Variants in AZU1 observed in about 807,000 individuals in gnomAD.
AZU1 encodes the protein azurocidin.
A neutral mutation model predicts 17.8 loss-of-function variants in AZU1; 21 were observed. The observed-to-expected ratio is 1.18, with a 90% confidence interval of 0.84 to 1.70. AZU1 has a LOEUF of 1.70. AZU1 is among the 40% of genes most tolerant of loss of function. AZU1 has a pLI of 0.00. For missense variants in AZU1, 379 were observed against 362.9 expected (o/e 1.04, Z -0.36); for synonymous variants, 178 against 155.2 (o/e 1.15, Z -1.09).
At position 827,897 on chromosome 19, in the gene AZU1, G is replaced by C. The variant is rs146182220; in HGVS notation, c.51G>C (p.Ser17=). 1.3e-6 allele frequency: 2 copies of C among 1,537,108 alleles called. No individual in the cohort carries two copies. Among genetic ancestry groups the C allele is most frequent in the Non-Finnish European group, 1.7e-6 (2 of 1,147,274 alleles). ...TGCTGGCTGGTCTGCTGGCGTCCTC[G>C]AGGGCCGGTGAGTGCCTCTCTGTGC... is the stretch of plus-strand genomic sequence containing the variant. ...LALLAGLLAS[S]RAGSSPLLDI... Residue 17 remains serine, a synonymous_variant, in exon 1 of 5, where the codon TCG becomes TCC. Transcript: ENST00000233997.
rs766210018 is a variant in AZU1 at position 829,720 on chromosome 19, G to A, written c.360+14G>A. The A allele has an allele frequency of 1.2e-6, 2 of 1,611,300 alleles. No individual in the cohort carries two copies. Among genetic ancestry groups the A allele is most frequent in the Non-Finnish European group, 1.7e-6 (2 of 1,178,504 alleles). On this transcript the variant is annotated intron_variant, in intron 3 of 4. Coordinates refer to ENST00000233997, the MANE Select transcript of AZU1 (RefSeq NM_001700.5). ...ATGCTGCTTCAGGTGAGAGGATGGT[G>A]CCACCTGTGATCCCAGCACCTCGGG...
Position 831,949 on chromosome 19 carries a change from G to A in AZU1, c.*72G>A, listed in dbSNP as rs1260899549. 7.3e-6 allele frequency: 11 copies of A among 1,510,868 alleles called. No individual in the cohort carries two copies. The Middle Eastern group carries it at 6.0e-4, about 82-fold the overall frequency. 93.6% of individuals were successfully genotyped at this position (1,510,868 alleles called of 1,614,324 possible). A position where few individuals can be genotyped will look rare whatever the true frequency, so the allele number is the denominator to read the frequency against. On this transcript the variant is annotated 3_prime_UTR_variant, in exon 5 of 5. Transcript: ENST00000233997. Reference sequence around the variant, plus strand: ...CCGGCGCTCCGCACCCACCTCCCACGGCCCCGCCCCTGCCCCCGCTCCGGC... The same window carrying A: ...CCGGCGCTCCGCACCCACCTCCCACAGCCCCGCCCCTGCCCCCGCTCCGGC...
intron 2 of AZU1, among the ~76,000 whole-genome samples, chr19:828,798 C>G (rs147009736): frequency 4.6e-4 from 32 of 69,246 alleles, no homozygotes; most frequent in African/African-American, 4.5e-4. Context: ...TGGGGGAGGC[C>G]CAGAGAAGGG....
chr19:829,153 G>A (rs111211823), intron 2 of AZU1, among the ~76,000 whole-genome samples: 5 of 31,500 alleles, frequency 1.6e-4, no homozygotes, highest in African/African-American at 1.0e-3. Context: ...GGGTCAGATG[G>A]GGGAGGCCCA....
At chr19:827,973 C>A (rs1294652676) in intron 1 of AZU1, 69 bp downstream of exon 1, 2 of 1,525,884 alleles carry the variant, frequency 1.3e-6, no homozygotes, top group East Asian at 2.5e-5. Context: ...AGAACTCAGA[C>A]TTAAAGCACA....
intron 1 of AZU1, among the ~76,000 whole-genome samples, 162 bp downstream of exon 1, chr19:828,066 C>T (rs1372630224): frequency 1.3e-5 from 2 of 152,242 alleles, no homozygotes; most frequent in Non-Finnish European, 1.5e-5. Context: ...GGACGGTGTG[C>T]GGGACTCAGG....
chr19:831,461 A>G (rs2035286762), intron 4 of AZU1: 8 of 499,686 alleles, frequency 1.6e-5, no homozygotes, highest in Non-Finnish European at 1.4e-5. Flanking sequence ...AGAGCCGGTC[A>G]CTGAGGGACT....
intron 4 of AZU1, 49 bp from the exon 5 acceptor site, chr19:831,667 C>A: frequency 1.3e-6 from 2 of 1,520,676 alleles, no homozygotes; most frequent in Admixed American, 2.1e-5. Context: ...TCTGGGGTGG[C>A]GTGGGAGCCA....
rs1281690203 is a variant in AZU1 at position 830,273 on chromosome 19, A to C, written c.361-435A>C. Among the ~76,000 whole-genome samples, 7 of 152,108 alleles carry C rather than the reference A, an allele frequency of 4.6e-5. No homozygotes were observed. The East Asian group carries it at 1.4e-3, about 29-fold the overall frequency. On this transcript the variant is annotated intron_variant, in intron 3 of 4. Coordinates refer to ENST00000233997, the MANE Select transcript of AZU1 (RefSeq NM_001700.5). Reference sequence around the variant, plus strand: ...AGACCCTATCTCAAAAAAAACTTCCAAAAACAATACAGCAACACATACAGA... The same window carrying C: ...AGACCCTATCTCAAAAAAAACTTCCCAAAACAATACAGCAACACATACAGA...
At chr19:831,023 G>A in intron 4 of AZU1, 82 bp downstream of exon 4, 1 of 1,421,042 alleles carries the variant, frequency 7.0e-7, no homozygotes, top group East Asian at 2.4e-5. Flanking sequence ...GCAGGCTGAG[G>A]GCGGCACAGC....
chr19:829,471 C>A, intron 2 of AZU1, 91 bp from the exon 3 acceptor site: 1 of 1,492,638 alleles, frequency 6.7e-7, no homozygotes, highest in South Asian at 1.2e-5. Context: ...AGTCTGCAGG[C>A]TGGGATCCCC....
At chr19:830,624 G>A (rs1342800945) in intron 3 of AZU1, 84 bp from the exon 4 acceptor site, 1 of 1,197,084 alleles carries the variant, frequency 8.4e-7, no homozygotes, top group East Asian at 2.5e-5. Flanking sequence ...TACAGTTAAT[G>A]TCGCTGACAC....
At chr19:831,478 T>C (rs1183468840) in intron 4 of AZU1, 3 of 531,528 alleles carry the variant, frequency 5.6e-6, no homozygotes, top group Non-Finnish European at 1.0e-5. Context: ...GACTCAGGCG[T>C]GTGATTGCCA....
chr19:831,607 G>A, intron 4 of AZU1, 109 bp from the exon 5 acceptor site: 5 of 1,247,300 alleles, frequency 4.0e-6, no homozygotes, highest in Non-Finnish European at 5.4e-6. Context: ...AAGGCCCTGG[G>A]GCTGGATCAG....
In AZU1 at chr19:831,876, A is replaced by G; in HGVS notation, c.755A>G (p.Ter252TrpextTer4). 1 of 1,610,754 alleles carries G rather than the reference A, an allele frequency of 6.2e-7. No individual in the cohort carries two copies. Among genetic ancestry groups the G allele is most frequent in the Non-Finnish European group, 8.5e-7 (1 of 1,178,744 alleles). ...AACAACCCGGGACCGGGGCCAGCCT[A>G]GGGGGGCCTGTGACCTCCCATGGAG... ...VLNNPGPGPA[*>W] Residue 252 changes from the stop codon to tryptophan (W), a stop_lost, in exon 5 of 5, where the codon TAG (stop) becomes TGG (tryptophan). Coordinates refer to ENST00000233997, the MANE Select transcript of AZU1 (RefSeq NM_001700.5).
Position 831,766 on chromosome 19 carries a change from C to T in AZU1, c.645C>T (p.Ala215=). ...GCGAGGGCCTGGCCCACGGCGTGGCCTCCTTTTCCCTGGGGCCCTGTGGCC... is the reference window on the plus strand; with the variant it reads ...GCGAGGGCCTGGCCCACGGCGTGGCTTCCTTTTCCCTGGGGCCCTGTGGCC... ...LVCEGLAHGV[A]SFSLGPCGRG... Residue 215 remains alanine (A), a synonymous_variant, in exon 5 of 5, where the codon GCC becomes GCT. Coordinates refer to ENST00000233997, the MANE Select transcript of AZU1 (RefSeq NM_001700.5). 6.2e-7 allele frequency: 1 copy of T among 1,612,618 alleles called. No homozygotes were observed. Among genetic ancestry groups the T allele is most frequent in the Non-Finnish European group, 8.5e-7 (1 of 1,179,776 alleles).
intron 1 of AZU1, 47 bp downstream of exon 1, chr19:827,951 G>A (rs1294489639): frequency 1.0e-5 from 16 of 1,533,792 alleles, no homozygotes; most frequent in Middle Eastern, 1.7e-4. Context: ...GCTAGGGCCC[G>A]GCTGCCAGGG....
At chr19:830,590 A>C in intron 3 of AZU1, 118 bp from the exon 4 acceptor site, 9 of 914,102 alleles carry the variant, frequency 9.8e-6, no homozygotes, top group Non-Finnish European at 1.4e-5. Context: ...CCTGCCGGGA[A>C]TTAAACGCAA....
At position 830,709 on chromosome 19, in the gene AZU1, T is replaced by G; in HGVS notation, c.362T>G (p.Leu121Arg). 1 of 1,562,138 alleles carries G rather than the reference T, an allele frequency of 6.4e-7. No individual in the cohort carries two copies. The highest frequency in any genetic ancestry group is 8.6e-7 in the Non-Finnish European group (1 of 1,157,908). Residue 121 changes from leucine (L) to arginine (R), a missense_variant and splice_region_variant, in exon 4 of 5, where the codon CTG (leucine) becomes CGG (arginine). Transcript: ENST00000233997. Reference protein sequence around the residue: ...QNLNDLMLLQLDREANLTSSV... With the variant: ...QNLNDLMLLQRDREANLTSSV... ...CCCTGACTCCATTTCCTTCCCCAGC[T>G]GGACCGTGAGGCCAACCTCACCAGC...
Sources: allele counts gnomAD v4.1 joint callset (sites outside exome capture counted in the v4.1 genomes callset), GRCh38; gene constraint gnomAD v4.1.1; transcripts MANE v1.5; gene names NCBI Gene and HGNC (gene_info 2026-07-23, HGNC 2026-07-21).